Variants in MRPL12 observed in about 807,000 individuals in gnomAD.
MRPL12 encodes the protein mitochondrial ribosomal protein L12, also known as large ribosomal subunit protein bL12m.
Under a neutral mutation model 21.1 loss-of-function variants are expected in MRPL12, and 13 were observed. That is an observed-to-expected ratio of 0.62 (90% confidence interval 0.40 to 0.98). MRPL12 has a LOEUF of 0.98. Among genes scored for constraint, MRPL12 ranks in the 50% least tolerant of loss-of-function variants. The pLI, the probability that MRPL12 is intolerant of heterozygous loss-of-function variation, is 0.00. For missense variants in MRPL12, 251 were observed against 268.6 expected (o/e 0.93, Z 0.46); for synonymous variants, 126 against 115.3 (o/e 1.09, Z -0.60).
At chr17:81,703,670 G>C in intron 1 of MRPL12, 95 bp downstream of exon 1, 3 of 1,164,694 alleles carry the variant, frequency 2.6e-6, no homozygotes, top group South Asian at 2.4e-5. Context: ...CGGCGGGGCC[G>C]GCCTCCCTGC....
chr17:81,703,707 C>T (rs1440990270), intron 1 of MRPL12, 132 bp downstream of exon 1: 9 of 877,092 alleles, frequency 1.0e-5, no homozygotes, highest in Non-Finnish European at 1.2e-5. Context: ...TTGGGGGTCC[C>T]ATCGGGGGCG....
intron 3 of MRPL12, 92 bp downstream of exon 3, chr17:81,704,808 C>A: frequency 9.0e-7 from 1 of 1,107,990 alleles, no homozygotes; most frequent in Non-Finnish European, 1.3e-6. Flanking sequence ...TCTGCAGCTA[C>A]CGTCATTGTC....
In MRPL12 at chr17:81,707,329, A is replaced by C; in HGVS notation, c.*89A>C. The C allele has an allele frequency of 7.8e-7, 1 of 1,283,478 alleles. No individual in the cohort carries two copies. The allele number at this position is 1,283,478 out of a possible 1,614,324, so 79.5% of individuals were successfully genotyped here. On this transcript the variant is annotated 3_prime_UTR_variant, in exon 5 of 5. Transcript: ENST00000333676. ...GGTCACTGGCTCCGCCCCCAGCACC[A>C]GGCGCCCAGTGGAGCCGTTTGGGAG...
chr17:81,707,251 G>A lies in MRPL12; in HGVS notation c.*11G>A, dbSNP rs767193944. Reference sequence around the variant, plus strand: ...GTGGTTCTGGAGTAGCCTCCAGCTCGGAGGACTTGTGTTCAGGGGTCCTGG... The same window carrying A: ...GTGGTTCTGGAGTAGCCTCCAGCTCAGAGGACTTGTGTTCAGGGGTCCTGG... On this transcript the variant is annotated 3_prime_UTR_variant, in exon 5 of 5. Coordinates refer to ENST00000333676, the MANE Select transcript of MRPL12 (RefSeq NM_002949.4). 33 of 1,570,652 alleles carry A rather than the reference G, an allele frequency of 2.1e-5. 1 individual carries two copies. Among genetic ancestry groups the A allele is most frequent in the South Asian group, 5.9e-5 (5 of 84,356 alleles).
chr17:81,703,603 C>T, intron 1 of MRPL12, 28 bp downstream of exon 1: 1 of 1,368,428 alleles, frequency 7.3e-7, no homozygotes, highest in Non-Finnish European at 9.4e-7. Context: ...GCGGTCCGGG[C>T]CGGCAGGCGG....
At chr17:81,703,633 C>T (rs1348191884) in intron 1 of MRPL12, 58 bp downstream of exon 1, 4 of 1,290,860 alleles carry the variant, frequency 3.1e-6, no homozygotes, top group South Asian at 2.0e-5. Context: ...CAGCCGGGCA[C>T]TGAGGGGTCG....
chr17:81,704,833 C>T (rs766522546), intron 3 of MRPL12, 117 bp downstream of exon 3: 15 of 884,598 alleles, frequency 1.7e-5, no homozygotes, highest in African/African-American at 3.4e-5. Context: ...GCCTGCACAC[C>T]TGTGCGGCAT....
In MRPL12 at chr17:81,706,981, G is replaced by T. The variant is rs376029831; in HGVS notation, c.421G>T (p.Asp141Tyr). The T allele has an allele frequency of 2.5e-6, 4 of 1,614,018 alleles. No individual in the cohort carries two copies. In the African/African-American group the frequency reaches 4.0e-5, roughly 16 times the overall value. The change falls in exon 4 of 5, where the codon GAC becomes TAC. Residue 141 changes from aspartate to tyrosine, a missense_variant. By Grantham distance (160) the Asp-to-Tyr change is radical (BLOSUM62 -3). Transcript: ENST00000333676. ...TVRLTEAKPV[D>Y]KVKLIKEIKN... is the part of the protein sequence containing the mutation. The stretch of plus-strand genomic sequence containing the variant: ...CCGCCTGACCGAGGCGAAGCCCGTG[G>T]ACAAAGTGAAGCTGATCAAGGAAAT...
rs2037275690 is a variant in MRPL12 at position 81,703,427 on chromosome 17, A to G, written c.-75A>G. 2 of 1,318,240 alleles carry G rather than the reference A, an allele frequency of 1.5e-6. No individual in the cohort carries two copies. Among genetic ancestry groups the G allele is most frequent in the Non-Finnish European group, 2.0e-6 (2 of 990,954 alleles). The allele number at this position is 1,318,240 out of a possible 1,614,324, so 81.7% of individuals were successfully genotyped here. A position where few individuals can be genotyped will look rare whatever the true frequency, so the allele number is the denominator to read the frequency against. On this transcript the variant is annotated 5_prime_UTR_variant, in exon 1 of 5. The change abolishes an upstream ATG in the 5' untranslated region. Coordinates refer to ENST00000333676, the MANE Select transcript of MRPL12 (RefSeq NM_002949.4). ...GCTAGAGCGTTCCTCCCCAGCTCGA[A>G]TGCCCGGCGGCCGAGGCGGCTAGAG...
chr17:81,705,825 T>G (rs2037308121), intron 3 of MRPL12, among the ~76,000 whole-genome samples: 2 of 152,184 alleles, frequency 1.3e-5, no homozygotes, highest in Admixed American at 1.3e-4. Flanking sequence ...TGTCCCATGT[T>G]CCAGATGCGT....
chr17:81,706,281 G>T (rs897973036), intron 3 of MRPL12, among the ~76,000 whole-genome samples: 2 of 152,240 alleles, frequency 1.3e-5, no homozygotes, highest in East Asian at 3.9e-4. Flanking sequence ...TTATGAAACC[G>T]AGTCTCACTC....
intron 3 of MRPL12, among the ~76,000 whole-genome samples, chr17:81,706,587 C>T (rs959056127): frequency 2.0e-5 from 3 of 152,130 alleles, no homozygotes; most frequent in Non-Finnish European, 4.4e-5. Context: ...AGAAAAAGCA[C>T]CAGCTGGACT....
intron 1 of MRPL12, 52 bp downstream of exon 1, chr17:81,703,627 C>T (rs1568222886): frequency 4.5e-6 from 6 of 1,319,824 alleles, no homozygotes; most frequent in African/African-American, 1.5e-5. Flanking sequence ...AGGGGGCAGC[C>T]GGGCACTGAG....
intron 3 of MRPL12, among the ~76,000 whole-genome samples, chr17:81,705,343 A>G (rs2037303343): frequency 6.7e-6 from 1 of 149,450 alleles, no homozygotes; most frequent in South Asian, 2.1e-4. Flanking sequence ...GTGAGCCAAG[A>G]TCATACTACT....
intron 3 of MRPL12, among the ~76,000 whole-genome samples, chr17:81,705,855 A>T (rs868280122): frequency 6.6e-6 from 1 of 152,252 alleles, no homozygotes; most frequent in Non-Finnish European, 1.5e-5. Flanking sequence ...ATGGGGCAGC[A>T]TCACTCATGC....
rs1476348611 is a variant in MRPL12, at chr17:81,707,242, C to T, written c.*2C>T. The T allele has an allele frequency of 8.2e-6, 13 of 1,580,456 alleles. No homozygotes were observed. Among genetic ancestry groups the T allele is most frequent in the Middle Eastern group, 1.7e-4 (1 of 5,742 alleles). On this transcript the variant is annotated 3_prime_UTR_variant, in exon 5 of 5. Transcript: ENST00000333676. Reference sequence around the variant, plus strand: ...GGCGGCACCGTGGTTCTGGAGTAGCCTCCAGCTCGGAGGACTTGTGTTCAG... The same window carrying T: ...GGCGGCACCGTGGTTCTGGAGTAGCTTCCAGCTCGGAGGACTTGTGTTCAG...
At position 81,707,502 on chromosome 17, in the gene MRPL12, T is replaced by G; in HGVS notation, c.*262T>G. On this transcript the variant is annotated 3_prime_UTR_variant, in exon 5 of 5. Coordinates refer to ENST00000333676, the MANE Select transcript of MRPL12 (RefSeq NM_002949.4). Reference sequence around the variant, plus strand: ...TGCCTCTGGTGGCTGCTGAGAAAAATACACTGTGCAGCTCAGTGTGTGGAG... The same window carrying G: ...TGCCTCTGGTGGCTGCTGAGAAAAAGACACTGTGCAGCTCAGTGTGTGGAG... 1 of 464,090 alleles carries G rather than the reference T, an allele frequency of 2.2e-6. No individual in the cohort carries two copies. Among genetic ancestry groups the G allele is most frequent in the Non-Finnish European group, 3.9e-6 (1 of 256,230 alleles). The allele number at this position is 464,090 out of a possible 1,614,324, so 28.7% of individuals were successfully genotyped here. A position where few individuals can be genotyped will look rare whatever the true frequency, so the allele number is the denominator to read the frequency against.
Position 81,707,377 on chromosome 17 carries a change from G to A in MRPL12, c.*137G>A, listed in dbSNP as rs973692662. 4.6e-5 allele frequency: 38 copies of A among 830,250 alleles called. No individual in the cohort carries two copies. The African/African-American group carries it at 5.7e-4, about 12-fold the overall frequency. 51.4% of individuals were successfully genotyped at this position (830,250 alleles called of 1,614,324 possible). A position where few individuals can be genotyped will look rare whatever the true frequency, so the allele number is the denominator to read the frequency against. On this transcript the variant is annotated 3_prime_UTR_variant, in exon 5 of 5. Coordinates refer to ENST00000333676, the MANE Select transcript of MRPL12 (RefSeq NM_002949.4). ...GAGAATTGCCTGCGCCACGCAGCGG[G>A]GCCGGACAGGCCGCACAGACCTACT...
intron 1 of MRPL12, among the ~76,000 whole-genome samples, chr17:81,703,918 CTAAG>C (rs1598754249): frequency 6.6e-6 from 1 of 152,206 alleles, no homozygotes; most frequent in Admixed American, 6.5e-5. Context: ...GAAGATGCAC[CTAAG>C]TAATAGTTTC....
Sources: gnomAD v4.1 joint callset for allele counts (sites outside exome capture counted in the v4.1 genomes callset) on GRCh38, gnomAD v4.1.1 for gene constraint, MANE v1.5 for transcripts, NCBI Gene and HGNC (gene_info 2026-07-23, HGNC 2026-07-21) for gene names.